Variants in ANO6 observed in about 807,000 individuals in gnomAD.
ANO6 encodes the protein anoctamin-6.
In ANO6, 106 loss-of-function variants were observed where a neutral mutation model predicts 117.5. The ratio of observed to expected loss-of-function variants is 0.90; its 90% CI spans 0.77 to 1.06. The LOEUF (loss-of-function observed/expected upper bound fraction) is 1.06, where lower values mean the gene tolerates loss of function less well. Ranked by LOEUF, ANO6 falls within the 50% of genes least tolerant of loss-of-function variation. The pLI is 0.00. For missense variants in ANO6, 955 were observed against 1,121.1 expected (o/e 0.85, Z 2.12); for synonymous variants, 367 against 385.1 (o/e 0.95, Z 0.55).
chr12:45,364,080 G>A lies in ANO6; in HGVS notation c.999-3608G>A, dbSNP rs112048237. On this transcript the variant is annotated intron_variant, in intron 8 of 19. Coordinates refer to ENST00000320560, the MANE Select transcript of ANO6 (RefSeq NM_001025356.3). ...TGGGTTTGCTGGATATAGAATACTT[G>A]GTTGACAGTCTTTCTTTCAGCACTT... Among the ~76,000 whole-genome samples the A allele has an allele frequency of 3.3e-5, 5 of 152,306 alleles. 1 individual carries two copies. The highest frequency in any genetic ancestry group is 7.2e-5 in the African/African-American group (3 of 41,560).
intron 3 of ANO6, among the ~76,000 whole-genome samples, chr12:45,334,149 A>G (rs1009385417): frequency 2.6e-5 from 4 of 152,106 alleles, no homozygotes; most frequent in African/African-American, 9.7e-5. Flanking sequence ...TTTAAAAAGC[A>G]TAAACCATTT....
intron 10 of ANO6, among the ~76,000 whole-genome samples, chr12:45,379,191 G>A (rs1362496621): frequency 2.0e-5 from 3 of 152,174 alleles, no homozygotes; most frequent in Admixed American, 6.5e-5. Context: ...AAGACAACAC[G>A]TCAATGTGTG....
intron 1 of ANO6, among the ~76,000 whole-genome samples, chr12:45,235,246 T>G (rs1394346008): frequency 6.6e-6 from 1 of 152,236 alleles, no homozygotes; most frequent in Non-Finnish European, 1.5e-5. Flanking sequence ...GCTGTACTTT[T>G]CTGTTCCCTT....
In ANO6 at chr12:45,352,560, TAAA is replaced by T. The variant is rs5797940; in HGVS notation, c.863+1806_863+1808del. Among the ~76,000 whole-genome samples the T allele has an allele frequency of 3.8e-4, 36 of 93,884 alleles. 1 individual carries two copies. The South Asian group carries it at 9.2e-3, about 24-fold the overall frequency. 61.6% of individuals were successfully genotyped at this position (93,884 alleles called of 152,430 possible). ...TGAGCAGCATAGTGAGATCCAGTCT[TAAA>T]AAAAAAAAAAAAAAAAAAAGCCAGG... On this transcript the variant is annotated intron_variant, in intron 7 of 19. Coordinates refer to ENST00000320560, the MANE Select transcript of ANO6 (RefSeq NM_001025356.3).
chr12:45,378,008 TAAG>T, intron 9 of ANO6, 42 bp from the exon 10 acceptor site: 1 of 1,530,468 alleles, frequency 6.5e-7, no homozygotes, highest in Non-Finnish European at 9.1e-7. Context: ...TGAATCCTAA[TAAG>T]TGGAGGATAT....
chr12:45,332,847 C>T (rs999109986), intron 3 of ANO6, among the ~76,000 whole-genome samples: 2 of 152,014 alleles, frequency 1.3e-5, no homozygotes, highest in Non-Finnish European at 2.9e-5. Flanking sequence ...ACCACTTTGG[C>T]CTCAAAGTAA....
intron 9 of ANO6, among the ~76,000 whole-genome samples, chr12:45,371,892 T>G (rs1171071632): frequency 6.6e-6 from 1 of 151,832 alleles, no homozygotes; most frequent in Non-Finnish European, 1.5e-5. Flanking sequence ...AGAAGAAGGC[T>G]TCAGACGATC....
At chr12:45,412,620 C>T (rs991603950) in intron 16 of ANO6, among the ~76,000 whole-genome samples, 1 of 152,164 alleles carries the variant, frequency 6.6e-6, no homozygotes, top group Admixed American at 6.5e-5. Context: ...CATGAAGTCT[C>T]CTAACCTTTG....
chr12:45,295,667 TCTC>T, intron 1 of ANO6, among the ~76,000 whole-genome samples: 1 of 152,070 alleles, frequency 6.6e-6, no homozygotes, highest in African/African-American at 2.4e-5. Flanking sequence ...GTCAAGCAAT[TCTC>T]CTGCCTCAGC....
At chr12:45,393,694 C>T (rs1194847922) in intron 12 of ANO6, among the ~76,000 whole-genome samples, 1 of 152,196 alleles carries the variant, frequency 6.6e-6, no homozygotes, top group Non-Finnish European at 1.5e-5. Flanking sequence ...CAATATTCAA[C>T]ATTCTTAAAG....
Position 45,429,835 on chromosome 12 carries a change from C to G in ANO6, c.*524C>G. 2.0e-6 allele frequency: 2 copies of G among 990,554 alleles called. No homozygotes were observed. Among genetic ancestry groups the G allele is most frequent in the Non-Finnish European group, 2.4e-6 (2 of 832,940 alleles). The allele number at this position is 990,554 out of a possible 1,614,324, so 61.4% of individuals were successfully genotyped here. A position where few individuals can be genotyped will look rare whatever the true frequency, so the allele number is the denominator to read the frequency against. ...GATTCACAATATTTAGGTGTATTTTCAATACCTCCAGAAAGGAAACCTCAG... is the reference window on the plus strand; with the variant it reads ...GATTCACAATATTTAGGTGTATTTTGAATACCTCCAGAAAGGAAACCTCAG... On this transcript the variant is annotated 3_prime_UTR_variant, in exon 20 of 20. Transcript: ENST00000320560.
intron 10 of ANO6, among the ~76,000 whole-genome samples, chr12:45,385,875 G>A (rs1288558756): frequency 3.3e-5 from 5 of 152,176 alleles, no homozygotes; most frequent in African/African-American, 1.2e-4. Flanking sequence ...GGAAGTGAGT[G>A]CTTTTAAACA....
At chr12:45,413,146 G>A (rs749029737) in intron 16 of ANO6, among the ~76,000 whole-genome samples, 13 of 152,150 alleles carry the variant, frequency 8.5e-5, no homozygotes, top group Non-Finnish European at 1.8e-4. Context: ...ACATTTATGT[G>A]GAATAAGATC....
At chr12:45,288,108 T>C (rs1938976584) in intron 1 of ANO6, among the ~76,000 whole-genome samples, 1 of 152,170 alleles carries the variant, frequency 6.6e-6, no homozygotes, top group Non-Finnish European at 1.5e-5. Flanking sequence ...GCAGAGCATG[T>C]AGTAGGTCTC....
chr12:45,383,486 T>G (rs1942219422), intron 10 of ANO6: 1 of 152,230 alleles, frequency 6.6e-6, no homozygotes, highest in African/African-American at 2.4e-5. Flanking sequence ...TTTGCCAACA[T>G]CTAGCCAAAT....
chr12:45,245,470 C>G (rs538563163), intron 1 of ANO6, among the ~76,000 whole-genome samples: 58 of 148,396 alleles, frequency 3.9e-4, no homozygotes, highest in Non-Finnish European at 1.5e-5. Context: ...CTCTCCTTTC[C>G]TTGGGTTAGT....
At chr12:45,288,209 C>T (rs1938979904) in intron 1 of ANO6, among the ~76,000 whole-genome samples, 1 of 152,182 alleles carries the variant, frequency 6.6e-6, no homozygotes, top group Admixed American at 6.5e-5. Context: ...TTTAAAGCTA[C>T]ACTTTTTTGT....
intron 2 of ANO6, among the ~76,000 whole-genome samples, chr12:45,323,241 A>G (rs574083083): frequency 6.6e-6 from 1 of 152,214 alleles, no homozygotes; most frequent in Non-Finnish European, 1.5e-5. Flanking sequence ...AAGAAAGACT[A>G]AAAGCCTCTG....
intron 1 of ANO6, among the ~76,000 whole-genome samples, chr12:45,290,951 A>G (rs1257608615): frequency 6.6e-6 from 1 of 152,186 alleles, no homozygotes; most frequent in African/African-American, 2.4e-5. Flanking sequence ...ATATAGACTA[A>G]TGGAATAGAA....
Sources: gnomAD v4.1 joint callset for allele counts (sites outside exome capture counted in the v4.1 genomes callset) on GRCh38, gnomAD v4.1.1 for gene constraint, MANE v1.5 for transcripts, NCBI Gene and HGNC (gene_info 2026-07-23, HGNC 2026-07-21) for gene names.